Variants in CLIP1 observed in about 807,000 individuals in gnomAD.
The protein encoded by CLIP1 is CAP-Gly domain-containing linker protein 1.
A neutral mutation model predicts 161.6 loss-of-function variants in CLIP1; 66 were observed. The ratio of observed to expected loss-of-function variants is 0.41; its 90% CI spans 0.33 to 0.50. The LOEUF (loss-of-function observed/expected upper bound fraction) is 0.50. CLIP1 is among the 20% of genes least tolerant of loss of function. CLIP1 has a pLI of 0.27. For missense variants in CLIP1, 1,376 were observed against 1,702.0 expected, an observed-to-expected ratio of 0.81 and a Z score of 3.37; for synonymous variants, 598 against 626.2, an observed-to-expected ratio of 0.96 and a Z score of 0.67.
chr12:122,360,043 A>G (rs1460312346), intron 5 of CLIP1, among the ~76,000 whole-genome samples: 1 of 152,174 alleles, frequency 6.6e-6, no homozygotes, highest in Admixed American at 6.5e-5. Context: ...TCTAAACAGG[A>G]AAAAGAGGGA....
chr12:122,331,409 G>T (rs1477300533), intron 15 of CLIP1, among the ~76,000 whole-genome samples: 1 of 151,810 alleles, frequency 6.6e-6, no homozygotes, highest in Non-Finnish European at 1.5e-5. Flanking sequence ...CCGCCTCCTG[G>T]GTTCAAGCGA....
chr12:122,368,540 A>C (rs1260782682), intron 3 of CLIP1, among the ~76,000 whole-genome samples: 1 of 152,186 alleles, frequency 6.6e-6, no homozygotes, highest in Non-Finnish European at 1.5e-5. Flanking sequence ...TAAAGCTATA[A>C]AATGTCTCAA....
chr12:122,314,821 A>G lies in CLIP1; in HGVS notation c.3473+1928T>C, dbSNP rs115528530. Among the ~76,000 whole-genome samples the G allele has an allele frequency of 5.3e-3, 802 of 152,332 alleles. 9 individuals carry two copies. Among genetic ancestry groups the G allele is most frequent in the African/African-American group, 0.018 (758 of 41,576 alleles). On this transcript the variant is annotated intron_variant, in intron 19 of 25. Transcript: ENST00000620786. ...TGAATGAATAGAACTAAACTGTCACATTACAACAAATGACTTTGTTTTTCC... is the reference window on the plus strand; with the variant it reads ...TGAATGAATAGAACTAAACTGTCACGTTACAACAAATGACTTTGTTTTTCC...
intron 1 of CLIP1, among the ~76,000 whole-genome samples, chr12:122,413,293 A>C (rs1245709589): frequency 3.3e-5 from 5 of 152,208 alleles, no homozygotes; most frequent in Non-Finnish European, 7.3e-5. Flanking sequence ...CAAATATTTC[A>C]CTACAATACT....
At chr12:122,387,590 A>ATTTTTTTTTTTTTT (rs139790813) in intron 1 of CLIP1, among the ~76,000 whole-genome samples, 1 of 6,270 alleles carries the variant, frequency 1.6e-4, no homozygotes, top group Non-Finnish European at 4.2e-4. Context: ...ATATATATAT[A>ATTTTTTTTTTTTTT]TTTTTTTTTT....
At chr12:122,377,155 C>T (rs1018529367) in intron 3 of CLIP1, among the ~76,000 whole-genome samples, 1 of 151,906 alleles carries the variant, frequency 6.6e-6, no homozygotes, top group African/African-American at 2.4e-5. Flanking sequence ...ATTACAGGCG[C>T]CCCCACCAAT....
chr12:122,313,119 G>A (rs1314205521), intron 19 of CLIP1, among the ~76,000 whole-genome samples: 2 of 152,148 alleles, frequency 1.3e-5, no homozygotes, highest in East Asian at 1.9e-4. Flanking sequence ...CGCTACCAGC[G>A]TGTCTCCCAC....
At chr12:122,384,503 T>TA (rs1955148240) in intron 1 of CLIP1, among the ~76,000 whole-genome samples, 1 of 152,108 alleles carries the variant, frequency 6.6e-6, no homozygotes, top group Non-Finnish European at 1.5e-5. Context: ...GGCTCATACC[T>TA]ATAATCCCAG....
Position 122,380,534 on chromosome 12 carries a change from A to G in CLIP1, c.-82T>C, listed in dbSNP as rs1954969167. ...CCATTGATACAACTGTGGGTTCTAT[A>G]GTGAAGTCAGTCTCTGGATTAAATC... On this transcript the variant is annotated 5_prime_UTR_variant, in exon 2 of 26. Coordinates refer to ENST00000620786, the MANE Select transcript of CLIP1 (RefSeq NM_001247997.2). The G allele has an allele frequency of 1.3e-6, 1 of 759,314 alleles. No homozygotes were observed. Among genetic ancestry groups the G allele is most frequent in the Non-Finnish European group, 2.2e-6 (1 of 459,200 alleles). The allele number at this position is 759,314 out of a possible 1,614,324, so 47.0% of individuals were successfully genotyped here.
chr12:122,352,973 G>C (rs891303132), intron 7 of CLIP1, among the ~76,000 whole-genome samples, 187 bp from the exon 8 acceptor site: 2 of 149,842 alleles, frequency 1.3e-5, no homozygotes, highest in African/African-American at 5.0e-5. Flanking sequence ...GGGCAACATA[G>C]TGAGACCCAG....
At chr12:122,293,484 CT>C (rs71082961) in intron 20 of CLIP1, among the ~76,000 whole-genome samples, 15 of 148,142 alleles carry the variant, frequency 1.0e-4, no homozygotes, top group Admixed American at 6.7e-5. Flanking sequence ...ATTTCTTTTT[CT>C]TTTTTTTTTT....
chr12:122,319,389 C>G, intron 17 of CLIP1, 41 bp from the exon 18 acceptor site: 3 of 1,446,816 alleles, frequency 2.1e-6, no homozygotes, highest in Non-Finnish European at 2.9e-6. Context: ...GGACAGCCCT[C>G]GCCAACACCG....
intron 1 of CLIP1, among the ~76,000 whole-genome samples, chr12:122,398,252 C>CT (rs1956001687): frequency 7.5e-6 from 1 of 133,094 alleles, no homozygotes; most frequent in African/African-American, 2.8e-5. Context: ...CCTGTCTCTA[C>CT]TGAAAATACA....
rs1426310146 is a variant in CLIP1 at position 122,311,377 on chromosome 12, G to A, written c.3474-1495C>T. On this transcript the variant is annotated intron_variant, in intron 19 of 25. Transcript: ENST00000620786. This position sits in a 1 kb window ranked among gnomAD's most constrained non-coding sequence, Gnocchi z 4.3. ...ACATCAAGGAAGTAATCTAAAAGTGGCCAAAGTATCCTAAAGCATTGACCT... is the reference window on the plus strand; with the variant it reads ...ACATCAAGGAAGTAATCTAAAAGTGACCAAAGTATCCTAAAGCATTGACCT... Among the ~76,000 whole-genome samples, 1 of 151,818 alleles carries A rather than the reference G, an allele frequency of 6.6e-6. No homozygotes were observed. The highest frequency in any genetic ancestry group is 1.9e-4 in the East Asian group (1 of 5,186).
At position 122,277,405 on chromosome 12, in the gene CLIP1, C is replaced by T. The variant is rs576272467; in HGVS notation, c.3966+749G>A. On this transcript the variant is annotated intron_variant, in intron 24 of 25. Coordinates refer to ENST00000620786, the MANE Select transcript of CLIP1 (RefSeq NM_001247997.2). Reference sequence around the variant, plus strand: ...TCGCTATGTCCAGGTTGGTCTCAAACTTTTGGGCTCAAGCAATCATCCCAC... The same window carrying T: ...TCGCTATGTCCAGGTTGGTCTCAAATTTTTGGGCTCAAGCAATCATCCCAC... The T allele has an allele frequency of 2.0e-5, 3 of 147,908 alleles. No homozygotes were observed. The East Asian group carries it at 6.0e-4, about 29-fold the overall frequency. 9.2% of individuals were successfully genotyped at this position (147,908 alleles called of 1,614,324 possible).
chr12:122,349,547 T>G (rs1424515740), intron 9 of CLIP1, among the ~76,000 whole-genome samples: 1 of 152,124 alleles, frequency 6.6e-6, no homozygotes, highest in Non-Finnish European at 1.5e-5. Context: ...TGACCTTGAG[T>G]GATCAATCAG....
intron 3 of CLIP1, chr12:122,364,869 T>C (rs1954050285): frequency 3.0e-6 from 2 of 664,440 alleles, no homozygotes; most frequent in African/African-American, 1.8e-5. Flanking sequence ...TTTGGCCACA[T>C]ATATGCAAAT....
chr12:122,283,493 C>G (rs1483895444), intron 21 of CLIP1, among the ~76,000 whole-genome samples: 5 of 145,752 alleles, frequency 3.4e-5, no homozygotes, highest in Non-Finnish European at 7.5e-5. Context: ...GAATCTCGCT[C>G]TGTTGCCCAG....
At chr12:122,331,021 AT>A (rs536085886) in intron 15 of CLIP1, among the ~76,000 whole-genome samples, 5 of 144,512 alleles carry the variant, frequency 3.5e-5, no homozygotes, top group Non-Finnish European at 1.5e-5. Context: ...TTATTTATTT[AT>A]TTTTTTTTTG....
Sources: gnomAD v4.1 joint callset for allele counts (sites outside exome capture counted in the v4.1 genomes callset) on GRCh38, gnomAD v4.1.1 for gene constraint, Gnocchi (gnomAD v3.1) non-coding constraint, MANE v1.5 for transcripts, NCBI Gene and HGNC (gene_info 2026-07-23, HGNC 2026-07-21) for gene names.